ATP2B2: variants seen among roughly 807,000 people sequenced by gnomAD.
The protein encoded by ATP2B2 is ATPase plasma membrane Ca2+ transporting 2.
A neutral mutation model predicts 120.0 loss-of-function variants in ATP2B2; 15 were observed. The observed-to-expected ratio is 0.12, with a 90% CI of 0.08 to 0.19. ATP2B2 has a LOEUF of 0.19. Among genes scored for constraint, ATP2B2 ranks in the 10% least tolerant of loss-of-function variants. The pLI, the probability that ATP2B2 is intolerant of heterozygous loss-of-function variation, is 1.00. For missense variants in ATP2B2, 1,045 were observed against 1,719.8 expected, an observed-to-expected ratio of 0.61 and a Z score of 6.94; for synonymous variants, 694 against 700.3, an observed-to-expected ratio of 0.99 and a Z score of 0.14.
chr3:10,653,967 T>A (rs1230635954), intron 1 of ATP2B2, among the ~76,000 whole-genome samples: 1 of 152,150 alleles, frequency 6.6e-6, no homozygotes, highest in Non-Finnish European at 1.5e-5. Flanking sequence ...GCCTTCTTGA[T>A]AATTTTAGGC....
intron 3 of ATP2B2, among the ~76,000 whole-genome samples, chr3:10,525,835 AG>A (rs1051384839): frequency 1.3e-5 from 2 of 151,986 alleles, no homozygotes; most frequent in African/African-American, 2.4e-5. Flanking sequence ...AAAAAAAAAA[AG>A]GTTCTCCAAT....
chr3:10,662,011 A>G lies in ATP2B2; in HGVS notation c.-459-42050T>C, dbSNP rs546353787. On this transcript the variant is annotated intron_variant, in intron 1 of 21. Coordinates refer to the ATP2B2 transcript ENST00000646379. ...ACAAGAAATGGGAAAAGGATTCCCT[A>G]TTTAATAAATGGTGCCGGGAAAACT... Among the ~76,000 whole-genome samples the G allele has an allele frequency of 2.3e-4, 35 of 152,362 alleles. No individual in the cohort carries two copies. The South Asian group carries it at 7.3e-3, about 32-fold the overall frequency.
At chr3:10,572,563 C>T (rs944534918) in intron 2 of ATP2B2, among the ~76,000 whole-genome samples, 7 of 152,116 alleles carry the variant, frequency 4.6e-5, no homozygotes, top group South Asian at 2.1e-4. Flanking sequence ...CTGGCACATA[C>T]GAAGCACTTA....
At chr3:10,480,405 G>A (rs958308122) in intron 1 of ATP2B2, among the ~76,000 whole-genome samples, 17 of 152,150 alleles carry the variant, frequency 1.1e-4, no homozygotes, top group African/African-American at 4.1e-4. Context: ...AAACCCTCCT[G>A]GGGTATCTGG....
chr3:10,405,460 T>C (rs868009773), intron 3 of ATP2B2, among the ~76,000 whole-genome samples: 7 of 152,250 alleles, frequency 4.6e-5, no homozygotes, highest in Middle Eastern at 6.8e-3. Flanking sequence ...GGGGTAGGGA[T>C]TCGGCCACCT....
chr3:10,691,416 C>T (rs892120142), intron 1 of ATP2B2, among the ~76,000 whole-genome samples: 20 of 152,220 alleles, frequency 1.3e-4, no homozygotes, highest in Admixed American at 1.3e-4. Context: ...AGGACCAAGA[C>T]TAGTTGTCCC....
intron 2 of ATP2B2, among the ~76,000 whole-genome samples, chr3:10,428,397 C>T (rs1559326331): frequency 6.6e-6 from 1 of 152,124 alleles, no homozygotes; most frequent in Non-Finnish European, 1.5e-5. Flanking sequence ...TGGTTTGGAA[C>T]TATTACCCTC....
chr3:10,331,892 T>A, intron 22 of ATP2B2: 6 of 1,306,400 alleles, frequency 4.6e-6, no homozygotes, highest in Non-Finnish European at 6.4e-6. Context: ...AGATGGGTTC[T>A]ACATACTCGA....
At chr3:10,520,474 C>CT (rs1055426857) in intron 3 of ATP2B2, among the ~76,000 whole-genome samples, 8 of 151,710 alleles carry the variant, frequency 5.3e-5, no homozygotes, top group African/African-American at 1.2e-4. Context: ...TATTCTTTTA[C>CT]TTTTTTTTTG....
rs1388127821 is a variant in ATP2B2, at chr3:10,449,424, A to C, written c.120T>G (p.Thr40=). Residue 40 remains threonine (T), a synonymous_variant, in exon 2 of 23, where the codon ACT becomes ACG. Transcript: ENST00000360273. ...TCTCCTTGATCTTGACCACAGCCTC[A>C]GTGCCCCGCAGCTCCATGAGGGAGC... ...ELRSLMELRG[T]EAVVKIKETY... is the part of the protein sequence containing the mutation. 1.2e-6 allele frequency: 2 copies of C among 1,614,250 alleles called. No homozygotes were observed.
chr3:10,491,182 C>T (rs912117267), intron 1 of ATP2B2, among the ~76,000 whole-genome samples: 3 of 151,554 alleles, frequency 2.0e-5, no homozygotes, highest in Admixed American at 1.3e-4. Context: ...ACCTGGAGCC[C>T]GCCTGTGTTG....
At chr3:10,395,049 T>C (rs552319303) in intron 5 of ATP2B2, among the ~76,000 whole-genome samples, 1 of 152,138 alleles carries the variant, frequency 6.6e-6, no homozygotes, top group South Asian at 2.1e-4. Context: ...CTGCTCTGGG[T>C]CTCAGTTTCC....
At chr3:10,376,625 C>G (rs1320134980) in intron 10 of ATP2B2, among the ~76,000 whole-genome samples, 1 of 152,216 alleles carries the variant, frequency 6.6e-6, no homozygotes, top group African/African-American at 2.4e-5. Flanking sequence ...ACTGCTCACA[C>G]CCGCAGACTC....
intron 1 of ATP2B2, among the ~76,000 whole-genome samples, chr3:10,475,632 AG>A (rs149705650): frequency 0.019 from 2,907 of 152,270 alleles, 90 homozygotes; most frequent in African/African-American, 0.066. Flanking sequence ...ATGCCTGCCT[AG>A]GCTTTTATAG....
At chr3:10,482,943 C>T (rs2065472654) in intron 1 of ATP2B2, among the ~76,000 whole-genome samples, 1 of 152,234 alleles carries the variant, frequency 6.6e-6, no homozygotes, top group Non-Finnish European at 1.5e-5. Flanking sequence ...CCCACTGGAC[C>T]CTGACAACCA....
In ATP2B2 at chr3:10,564,832, G is replaced by A. The variant is rs554660557; in HGVS notation, c.-414-30699C>T. Among the ~76,000 whole-genome samples, 219 of 152,230 alleles carry A rather than the reference G, an allele frequency of 1.4e-3. 1 individual carries two copies. Among genetic ancestry groups the A allele is most frequent in the Non-Finnish European group, 2.7e-3 (187 of 68,020 alleles). On this transcript the variant is annotated intron_variant, in intron 2 of 21. Coordinates refer to the ATP2B2 transcript ENST00000646379. The stretch of plus-strand genomic sequence containing the variant: ...CTGCATCCCAACAATTCCCAGATAG[G>A]ACAGATTTCCTATTGTTCTCTCAAA...
intron 2 of ATP2B2, among the ~76,000 whole-genome samples, chr3:10,535,344 G>A (rs892158026): frequency 3.9e-5 from 6 of 152,014 alleles, no homozygotes; most frequent in African/African-American, 1.5e-4. Context: ...AACCAGTCTT[G>A]TGACATCATA....
intron 14 of ATP2B2, among the ~76,000 whole-genome samples, chr3:10,357,202 G>C (rs1192552134): frequency 6.6e-6 from 1 of 152,134 alleles, no homozygotes; most frequent in Non-Finnish European, 1.5e-5. Context: ...TCTTGTACCA[G>C]ATACTCTGCT....
At chr3:10,550,147 A>C (rs1042371397) in intron 2 of ATP2B2, among the ~76,000 whole-genome samples, 1 of 152,262 alleles carries the variant, frequency 6.6e-6, no homozygotes, top group African/African-American at 2.4e-5. Context: ...CAGAGAATAG[A>C]GCCTCTGAAA....
Sources: allele counts gnomAD v4.1 joint callset (sites outside exome capture counted in the v4.1 genomes callset), GRCh38; gene constraint gnomAD v4.1.1; transcripts MANE v1.5; gene names NCBI Gene and HGNC (gene_info 2026-07-23, HGNC 2026-07-21).